The following RORB variants were observed in gnomAD, a reference collection of about 807,000 sequenced individuals.
The protein encoded by RORB is nuclear receptor ROR-beta.
Under a neutral mutation model 59.1 loss-of-function variants are expected in RORB, and 6 were observed. The observed-to-expected ratio is 0.10, with a 90% CI of 0.06 to 0.20. The LOEUF (loss-of-function observed/expected upper bound fraction) is 0.20. RORB is among the 10% of genes least tolerant of loss of function. The probability of loss-of-function intolerance (pLI) is 1.00; values close to 1 mark genes in which losing one functional copy is unlikely to be tolerated. For synonymous variants in RORB, 215 were observed against 204.5 expected, an observed-to-expected ratio of 1.05 and a Z score of -0.44; for missense variants, 320 against 560.5, an observed-to-expected ratio of 0.57 and a Z score of 4.33.
At chr9:74,524,023 T>TTA (rs1554664334) in intron 1 of RORB, among the ~76,000 whole-genome samples, 23 of 150,616 alleles carry the variant, frequency 1.5e-4, no homozygotes, top group African/African-American at 4.6e-4. Context: ...TTTTTTTTTT[T>TTA]ACCAAATAGT....
At position 74,497,579 on chromosome 9, in the gene RORB, C is replaced by T. The variant is rs1050843190; in HGVS notation, c.-398C>T. 3 of 240,588 alleles carry T rather than the reference C, an allele frequency of 1.2e-5. No homozygotes were observed. Among genetic ancestry groups the T allele is most frequent in the Non-Finnish European group, 2.4e-5 (3 of 125,236 alleles). The allele number at this position is 240,588 out of a possible 1,614,324, so 14.9% of individuals were successfully genotyped here. A position where few individuals can be genotyped will look rare whatever the true frequency, so the allele number is the denominator to read the frequency against. On this transcript the variant is annotated 5_prime_UTR_variant, in exon 1 of 10. Coordinates refer to ENST00000376896, the MANE Select transcript of RORB (RefSeq NM_006914.4). Reference sequence around the variant, plus strand: ...CCTGCTGCTGCCCTTCCTCCTCCTCCTCAGTCCAAGTGATCACAAAAGAAA... The same window carrying T: ...CCTGCTGCTGCCCTTCCTCCTCCTCTTCAGTCCAAGTGATCACAAAAGAAA...
chr9:74,569,867 G>GT (rs1048735700), intron 1 of RORB, among the ~76,000 whole-genome samples: 2 of 151,938 alleles, frequency 1.3e-5, no homozygotes, highest in African/African-American at 4.8e-5. Context: ...TCACCTGTAT[G>GT]TTTTCTCCAC....
chr9:74,630,388 A>T, intron 2 of RORB, 21 bp downstream of exon 2: 1 of 1,595,244 alleles, frequency 6.3e-7, no homozygotes, highest in Non-Finnish European at 8.6e-7. Context: ...TTCATACAGC[A>T]CGGTTCTGTA....
At chr9:74,552,415 T>C (rs1826625704) in intron 1 of RORB, among the ~76,000 whole-genome samples, 1 of 152,176 alleles carries the variant, frequency 6.6e-6, no homozygotes, top group Admixed American at 6.6e-5. Context: ...AGCAAGTCAA[T>C]AACTTCTCTC....
intron 1 of RORB, among the ~76,000 whole-genome samples, chr9:74,536,737 G>C (rs1339772484): frequency 6.6e-6 from 1 of 151,920 alleles, no homozygotes; most frequent in African/African-American, 2.4e-5. Flanking sequence ...TTCTGAAAAT[G>C]TAAGAAATAC....
chr9:74,570,147 G>T (rs998884474), intron 1 of RORB, among the ~76,000 whole-genome samples: 2 of 151,984 alleles, frequency 1.3e-5, no homozygotes, highest in African/African-American at 4.8e-5. Context: ...TTAGAAGTTT[G>T]TTATTTTTAA....
chr9:74,535,598 T>G (rs1361857342), intron 1 of RORB, among the ~76,000 whole-genome samples: 1 of 152,002 alleles, frequency 6.6e-6, no homozygotes, highest in Non-Finnish European at 1.5e-5. Flanking sequence ...AGAAATGGTT[T>G]TGATATTTGA....
At chr9:74,660,519 G>C (rs1027220809) in intron 4 of RORB, 98 bp from the exon 5 acceptor site, 1 of 1,031,748 alleles carries the variant, frequency 9.7e-7, no homozygotes, top group Non-Finnish European at 1.4e-6. Context: ...AATACAATAG[G>C]AGTATCTCCA....
intron 9 of RORB, among the ~76,000 whole-genome samples, chr9:74,683,020 G>A (rs1801805703): frequency 6.6e-6 from 1 of 152,188 alleles, no homozygotes; most frequent in Admixed American, 6.5e-5. Flanking sequence ...CAAACATGGA[G>A]TCTGAGCTTC....
chr9:74,568,259 G>A (rs1020175893), intron 1 of RORB, among the ~76,000 whole-genome samples: 15 of 151,352 alleles, frequency 9.9e-5, no homozygotes, highest in Admixed American at 7.9e-4. Context: ...ATCTATTTAT[G>A]TATTTTTTTT....
chr9:74,636,786 G>A (rs1302255063), intron 3 of RORB, among the ~76,000 whole-genome samples: 2 of 152,072 alleles, frequency 1.3e-5, no homozygotes, highest in African/African-American at 4.8e-5. Context: ...TGGGGAATCT[G>A]GAGAAGAAGG....
chr9:74,593,320 G>T (rs1477812823), intron 1 of RORB, among the ~76,000 whole-genome samples: 1 of 151,878 alleles, frequency 6.6e-6, no homozygotes, highest in African/African-American at 2.4e-5. Flanking sequence ...TACAAAATTA[G>T]CCAGGCACAG....
intron 1 of RORB, among the ~76,000 whole-genome samples, chr9:74,595,841 A>G (rs1822962865): frequency 6.6e-6 from 1 of 152,120 alleles, no homozygotes; most frequent in South Asian, 2.1e-4. Context: ...CGTTTACTCT[A>G]TTGGGGGCAC....
intron 1 of RORB, among the ~76,000 whole-genome samples, chr9:74,517,132 A>T (rs563828198): frequency 1.6e-4 from 24 of 152,014 alleles, no homozygotes; most frequent in African/African-American, 5.1e-4. Flanking sequence ...TATTAGAAAA[A>T]CTCAAAATTT....
chr9:74,540,243 C>T (rs1826385067), intron 1 of RORB, among the ~76,000 whole-genome samples: 1 of 152,138 alleles, frequency 6.6e-6, no homozygotes, highest in South Asian at 2.1e-4. Flanking sequence ...GCTGCCACCC[C>T]TGCCCCCTCT....
chr9:74,551,887 C>A (rs1826614129), intron 1 of RORB, among the ~76,000 whole-genome samples: 1 of 152,060 alleles, frequency 6.6e-6, no homozygotes, highest in Non-Finnish European at 1.5e-5. Context: ...AATATGGTAT[C>A]CAGTGCTGGG....
chr9:74,579,486 G>C (rs1035456282), intron 1 of RORB, among the ~76,000 whole-genome samples: 1 of 151,882 alleles, frequency 6.6e-6, no homozygotes, highest in Non-Finnish European at 1.5e-5. Flanking sequence ...CTGAGGGGTG[G>C]GTCAGTTTTT....
chr9:74,592,545 A>G (rs1381872104), intron 1 of RORB, among the ~76,000 whole-genome samples: 1 of 152,182 alleles, frequency 6.6e-6, no homozygotes, highest in African/African-American at 2.4e-5. Context: ...TTCAGAGAGA[A>G]AAACAAGTAC....
chr9:74,635,719 G>A (rs1476130962), intron 3 of RORB, among the ~76,000 whole-genome samples: 1 of 152,104 alleles, frequency 6.6e-6, no homozygotes, highest in Non-Finnish European at 1.5e-5. Flanking sequence ...GACACTTTCT[G>A]TCTTTATGTC....
Sources: gnomAD v4.1 joint callset for allele counts (sites outside exome capture counted in the v4.1 genomes callset) on GRCh38, gnomAD v4.1.1 for gene constraint, MANE v1.5 for transcripts, NCBI Gene and HGNC (gene_info 2026-07-23, HGNC 2026-07-21) for gene names.